Variants in NXPE1 observed in about 807,000 individuals in gnomAD.
The protein encoded by NXPE1 is NXPE family member 1.
A neutral mutation model predicts 33.3 loss-of-function variants in NXPE1; 31 were observed. The observed-to-expected ratio is 0.93, with a 90% CI of 0.70 to 1.26. The LOEUF is 1.26. Ranked by LOEUF, NXPE1 falls within the 50% of genes most tolerant of loss-of-function variation. The pLI is 0.00. For synonymous variants in NXPE1, 229 were observed against 231.4 expected (o/e 0.99, Z 0.09); for missense variants, 661 against 655.6 (o/e 1.01, Z -0.09).
chr11:114,528,948 C>A, intron 6 of NXPE1: 1 of 464,598 alleles, frequency 2.2e-6, no homozygotes, highest in Non-Finnish European at 3.9e-6. Flanking sequence ...AGGGAGGGAA[C>A]AGAAACTTAA....
intron 5 of NXPE1, among the ~76,000 whole-genome samples, chr11:114,550,895 G>C (rs1948456735): frequency 1.3e-5 from 2 of 152,128 alleles, no homozygotes. Flanking sequence ...AATCCTAATT[G>C]GAATGGACTG....
chr11:114,545,439 A>C (rs1349349302), intron 5 of NXPE1, among the ~76,000 whole-genome samples: 5 of 152,214 alleles, frequency 3.3e-5, no homozygotes, highest in African/African-American at 1.2e-4. Flanking sequence ...TTAAATGCAT[A>C]ATGCTAAGAG....
At chr11:114,535,086 C>G (rs1298945341) in intron 5 of NXPE1, among the ~76,000 whole-genome samples, 2 of 152,130 alleles carry the variant, frequency 1.3e-5, no homozygotes, top group Non-Finnish European at 2.9e-5. Flanking sequence ...TGATCTCTTG[C>G]CAGAAACTCT....
chr11:114,532,722 T>A (rs956715209), intron 5 of NXPE1, among the ~76,000 whole-genome samples: 1 of 152,200 alleles, frequency 6.6e-6, no homozygotes, highest in African/African-American at 2.4e-5. Flanking sequence ...TGTGTGTATG[T>A]GCATATATGC....
At chr11:114,536,518 A>G (rs562192464) in intron 5 of NXPE1, among the ~76,000 whole-genome samples, 14 of 152,292 alleles carry the variant, frequency 9.2e-5, no homozygotes, top group African/African-American at 3.4e-4. Context: ...AGATCAACAA[A>G]ATTGATAGAC....
rs371789777 is a variant in NXPE1 at position 114,540,208 on chromosome 11, C to T, written c.100-9300G>A. On this transcript the variant is annotated intron_variant, in intron 5 of 8. Coordinates refer to ENST00000534921, the Ensembl canonical transcript of NXPE1. Reference sequence around the variant, plus strand: ...CTGACCTCAAGTGATCTGCCTGCCTCGGCCTCCCAAAGTGCTGGGATTACG... The same window carrying T: ...CTGACCTCAAGTGATCTGCCTGCCTTGGCCTCCCAAAGTGCTGGGATTACG... Among the ~76,000 whole-genome samples the T allele has an allele frequency of 1.8e-4, 28 of 152,250 alleles. 1 individual carries two copies. Among genetic ancestry groups the T allele is most frequent in the Admixed American group, 2.6e-4 (4 of 15,298 alleles).
intron 7 of NXPE1, among the ~76,000 whole-genome samples, chr11:114,526,241 G>A (rs1460821696): frequency 1.3e-5 from 2 of 152,210 alleles, no homozygotes; most frequent in African/African-American, 2.4e-5. Flanking sequence ...TTAGCTCAAT[G>A]AGACCAGCAT....
At chr11:114,537,065 CA>C (rs1947857646) in intron 5 of NXPE1, among the ~76,000 whole-genome samples, 1 of 152,138 alleles carries the variant, frequency 6.6e-6, no homozygotes, top group South Asian at 2.1e-4. Flanking sequence ...AGCAACACAT[CA>C]AAAAGCTTAT....
At chr11:114,546,355 A>T (rs1948281799) in intron 5 of NXPE1, among the ~76,000 whole-genome samples, 1 of 152,184 alleles carries the variant, frequency 6.6e-6, no homozygotes, top group South Asian at 2.1e-4. Context: ...GATGAGAGAA[A>T]TATCAGTATG....
chr11:114,554,485 TAAAATG>T (rs1565318845), intron 1 of NXPE1: 1 of 595,282 alleles, frequency 1.7e-6, no homozygotes, highest in Non-Finnish European at 2.1e-6. Flanking sequence ...ATACATAAAA[TAAAATG>T]TATAGAATTA....
At chr11:114,522,600 T>A in intron 8 of NXPE1, 97 bp from the exon 9 acceptor site, 1 of 1,019,410 alleles carries the variant, frequency 9.8e-7, no homozygotes, top group Non-Finnish European at 1.4e-6. Context: ...CCTACCTAGA[T>A]AATTGCTCAC....
intron 1 of NXPE1, among the ~76,000 whole-genome samples, chr11:114,557,891 G>A (rs1403773362): frequency 6.6e-6 from 1 of 151,702 alleles, no homozygotes; most frequent in East Asian, 1.9e-4. Flanking sequence ...TACAATTCTA[G>A]ATTGACAAGT....
intron 5 of NXPE1, among the ~76,000 whole-genome samples, chr11:114,539,428 T>TATAATAATA (rs111869237): frequency 1.3e-5 from 2 of 151,684 alleles, no homozygotes; most frequent in African/African-American, 4.9e-5. Flanking sequence ...AAACTTAAAG[T>TATAATAATA]ATAATAATAA....
At chr11:114,524,323 T>G (rs913331938) in intron 7 of NXPE1, among the ~76,000 whole-genome samples, 59 of 152,332 alleles carry the variant, frequency 3.9e-4, no homozygotes, top group African/African-American at 1.0e-3. Flanking sequence ...TGGGGAACCA[T>G]CAGCAGTTTC....
At chr11:114,539,192 CA>C (rs2135034040) in intron 5 of NXPE1, among the ~76,000 whole-genome samples, 1 of 150,872 alleles carries the variant, frequency 6.6e-6, no homozygotes, top group African/African-American at 2.4e-5. Flanking sequence ...GACAAAAAAC[CA>C]AATACCGCAT....
At chr11:114,543,850 G>C (rs941405235) in intron 5 of NXPE1, among the ~76,000 whole-genome samples, 4 of 152,140 alleles carry the variant, frequency 2.6e-5, no homozygotes. Flanking sequence ...AGAATCTATA[G>C]AAAATTCTTG....
chr11:114,523,965 A>G (rs985977670), intron 7 of NXPE1, among the ~76,000 whole-genome samples: 1 of 152,256 alleles, frequency 6.6e-6, no homozygotes, highest in African/African-American at 2.4e-5. Flanking sequence ...TTTCTGTCTC[A>G]CATAACAGGC....
chr11:114,521,928 CAG>C, exon 9 of NXPE1: 1 of 1,403,964 alleles, frequency 7.1e-7, no homozygotes, highest in Non-Finnish European at 9.9e-7. Flanking sequence ...GGATTATGTG[CAG>C]AGATTGGTTC....
At chr11:114,542,937 A>G (rs1475832816) in intron 5 of NXPE1, among the ~76,000 whole-genome samples, 1 of 152,212 alleles carries the variant, frequency 6.6e-6, no homozygotes, top group Non-Finnish European at 1.5e-5. Flanking sequence ...CAATAAATAT[A>G]AATTAGCTTA....
Sources: gnomAD v4.1 joint callset for allele counts (sites outside exome capture counted in the v4.1 genomes callset) on GRCh38, gnomAD v4.1.1 for gene constraint, MANE v1.5 for transcripts, NCBI Gene and HGNC (gene_info 2026-07-23, HGNC 2026-07-21) for gene names.